ATXN10: variants seen among roughly 807,000 people sequenced by gnomAD.
ATXN10 encodes ataxin-10.
A neutral mutation model predicts 52.9 loss-of-function variants in ATXN10; 28 were observed. That is an observed-to-expected ratio of 0.53 (90% confidence interval 0.39 to 0.73). The LOEUF is 0.73. Ranked by LOEUF, ATXN10 falls within the 30% of genes least tolerant of loss-of-function variation. ATXN10 has a pLI of 0.00. For missense variants in ATXN10, 565 were observed against 577.0 expected (o/e 0.98, Z 0.21); for synonymous variants, 226 against 221.5 (o/e 1.02, Z -0.18).
At chr22:45,753,806 G>A (rs1006791929) in intron 9 of ATXN10, among the ~76,000 whole-genome samples, 5 of 152,222 alleles carry the variant, frequency 3.3e-5, no homozygotes, top group Admixed American at 2.6e-4. Context: ...GGTCTTCCCT[G>A]GTCCCCCACT....
At chr22:45,756,236 C>A (rs1926170294) in intron 9 of ATXN10, among the ~76,000 whole-genome samples, 1 of 152,138 alleles carries the variant, frequency 6.6e-6, no homozygotes, top group South Asian at 2.1e-4. Flanking sequence ...CCTTAAACTC[C>A]TGGGCTCAAG....
intron 9 of ATXN10, among the ~76,000 whole-genome samples, chr22:45,767,220 G>T (rs992146485): frequency 6.6e-6 from 1 of 152,116 alleles, no homozygotes; most frequent in African/African-American, 2.4e-5. Context: ...GGGATTTCTG[G>T]TATGTCCATG....
chr22:45,746,785 G>C (rs138177), intron 9 of ATXN10, among the ~76,000 whole-genome samples: 2 of 151,960 alleles, frequency 1.3e-5, no homozygotes, highest in African/African-American at 2.4e-5. Flanking sequence ...TCTGCCCTCT[G>C]CTCACCCCCT....
rs768052320 is a variant in ATXN10 at position 45,783,974 on chromosome 22, G to T, written c.1174-22985G>T. ...TGCTGAGGCTGGCGGCCCACTACCC[G>T]CATTTGTCCCTGACTGCTTTGCAGG... On this transcript the variant is annotated intron_variant, in intron 9 of 11. Coordinates refer to ENST00000252934, the MANE Select transcript of ATXN10 (RefSeq NM_013236.4). The surrounding 1 kb of genome is among the most constrained non-coding windows in gnomAD (Gnocchi z 5.0). Among the ~76,000 whole-genome samples the T allele has an allele frequency of 3.9e-5, 6 of 152,252 alleles. No individual in the cohort carries two copies. The highest frequency in any genetic ancestry group is 8.8e-5 in the Non-Finnish European group (6 of 68,014).
At chr22:45,827,128 ACCACACACACACAC>A (rs1186581934) in intron 10 of ATXN10, among the ~76,000 whole-genome samples, 2 of 87,226 alleles carry the variant, frequency 2.3e-5, no homozygotes, top group Admixed American at 2.9e-4. Context: ...CCCCATGGTA[ACCACACACACACAC>A]ACACACACAC....
At chr22:45,697,864 T>C (rs1923680369) in intron 3 of ATXN10, among the ~76,000 whole-genome samples, 1 of 151,526 alleles carries the variant, frequency 6.6e-6, no homozygotes, top group African/African-American at 2.4e-5. Flanking sequence ...TCTCCTGACC[T>C]TGTGATCCGC....
intron 2 of ATXN10, among the ~76,000 whole-genome samples, chr22:45,692,387 T>C (rs1335887420): frequency 6.6e-6 from 1 of 152,192 alleles, no homozygotes; most frequent in Non-Finnish European, 1.5e-5. Context: ...TTAAGGGTGT[T>C]AATTTTTCTG....
chr22:45,702,009 T>C (rs946302416), intron 4 of ATXN10, among the ~76,000 whole-genome samples: 9 of 152,226 alleles, frequency 5.9e-5, no homozygotes, highest in African/African-American at 1.4e-4. Context: ...GGGACAGATA[T>C]AACCAAATTT....
Position 45,738,242 on chromosome 22 carries a change from T to C in ATXN10, c.895-489T>C, listed in dbSNP as rs1322868940. The stretch of plus-strand genomic sequence containing the variant: ...TAGAAGTTCATATTTACCCAGAAAT[T>C]ATGCAAGTTCTTAAAGCCAGAGTTT... On this transcript the variant is annotated intron_variant, in intron 7 of 11. Transcript: ENST00000252934. Among the ~76,000 whole-genome samples, 2 of 152,212 alleles carry C rather than the reference T, an allele frequency of 1.3e-5. 1 individual carries two copies. The highest frequency in any genetic ancestry group is 4.1e-4 in the South Asian group (2 of 4,830).
chr22:45,721,497 A>G (rs1924649108), intron 6 of ATXN10, among the ~76,000 whole-genome samples: 1 of 152,178 alleles, frequency 6.6e-6, no homozygotes, highest in African/African-American at 2.4e-5. Context: ...GAAGAAGATA[A>G]TTGACTTTGG....
At chr22:45,832,270 T>G (rs1929018429) in intron 10 of ATXN10, among the ~76,000 whole-genome samples, 2 of 152,208 alleles carry the variant, frequency 1.3e-5, no homozygotes, top group Non-Finnish European at 2.9e-5. Context: ...GACCTCTGCT[T>G]CTTTTTATCC....
At chr22:45,717,170 C>T (rs1440480499) in intron 5 of ATXN10, among the ~76,000 whole-genome samples, 1 of 152,118 alleles carries the variant, frequency 6.6e-6, no homozygotes, top group Non-Finnish European at 1.5e-5. Flanking sequence ...TGCCCCCTGT[C>T]TGTCACCCCT....
In ATXN10 at chr22:45,689,917, T is replaced by C. The variant is rs762933990; in HGVS notation, c.308+14T>C. 1.4e-5 allele frequency: 22 copies of C among 1,612,372 alleles called. No individual in the cohort carries two copies. The African/African-American group carries it at 2.9e-4, about 22-fold the overall frequency. On this transcript the variant is annotated intron_variant, in intron 2 of 11. Coordinates refer to ENST00000252934, the MANE Select transcript of ATXN10 (RefSeq NM_013236.4). Reference sequence around the variant, plus strand: ...GAATTCAATCAGGTAGTTACACACGTACCTTGGATTCTGTTTCTTTGTATA... The same window carrying C: ...GAATTCAATCAGGTAGTTACACACGCACCTTGGATTCTGTTTCTTTGTATA...
rs1024697686 is a variant in ATXN10, at chr22:45,824,755, A to G, written c.1237+17733A>G. 2.6e-5 allele frequency among the ~76,000 whole-genome samples: 4 copies of G among 152,204 alleles called. No homozygotes were observed. Among genetic ancestry groups the G allele is most frequent in the Admixed American group, 2.0e-4 (3 of 15,284 alleles). On this transcript the variant is annotated intron_variant, in intron 10 of 11. Coordinates refer to ENST00000252934, the MANE Select transcript of ATXN10 (RefSeq NM_013236.4). The surrounding 1 kb of genome is among the most constrained non-coding windows in gnomAD (Gnocchi z 5.2). ...TCTATGGACCGAGGTGATGTGATCT[A>G]GCTTTTTCTGTGATACCCAGAATCT...
chr22:45,768,275 G>A (rs548310881), intron 9 of ATXN10, among the ~76,000 whole-genome samples: 1 of 152,108 alleles, frequency 6.6e-6, no homozygotes, highest in South Asian at 2.1e-4. Context: ...GGTGGACCTC[G>A]GACATATAGA....
intron 7 of ATXN10, among the ~76,000 whole-genome samples, chr22:45,736,526 A>T (rs1009202773): frequency 6.6e-6 from 1 of 152,128 alleles, no homozygotes; most frequent in African/African-American, 2.4e-5. Flanking sequence ...TGATTGACAT[A>T]ACTTTACTCC....
chr22:45,839,140 G>C (rs948277413), intron 10 of ATXN10, among the ~76,000 whole-genome samples: 8 of 152,188 alleles, frequency 5.3e-5, no homozygotes, highest in African/African-American at 1.9e-4. Flanking sequence ...TACTATTATT[G>C]GCTTGGTTGT....
At chr22:45,673,922 T>A (rs1298499367) in intron 1 of ATXN10, 1 of 152,204 alleles carries the variant, frequency 6.6e-6, no homozygotes, top group East Asian at 1.9e-4. Context: ...ATCAGTTCCC[T>A]TTTTATAACT....
chr22:45,802,311 CA>C (rs1743091982), intron 9 of ATXN10, among the ~76,000 whole-genome samples: 3 of 152,288 alleles, frequency 2.0e-5, no homozygotes, highest in Admixed American at 1.3e-4. Flanking sequence ...AGTAAAGAAA[CA>C]AACAACTTTC....
Sources: gnomAD v4.1 joint callset for allele counts (sites outside exome capture counted in the v4.1 genomes callset) on GRCh38, gnomAD v4.1.1 for gene constraint, Gnocchi (gnomAD v3.1) non-coding constraint, MANE v1.5 for transcripts, NCBI Gene and HGNC (gene_info 2026-07-23, HGNC 2026-07-21) for gene names.